The following MRTFA variants were observed in gnomAD, a reference collection of about 807,000 sequenced individuals.
MRTFA encodes the protein myocardin related transcription factor A.
MRTFA carries 20 observed loss-of-function variants against 83.5 expected under a neutral mutation model. That is an observed-to-expected ratio of 0.24 (90% CI 0.17 to 0.35). The LOEUF is 0.35. Among genes scored for constraint, MRTFA ranks in the 10% least tolerant of loss-of-function variants. The pLI is 1.00. For missense variants in MRTFA, 1,200 were observed against 1,224.7 expected, an observed-to-expected ratio of 0.98 and a Z score of 0.30; for synonymous variants, 659 against 541.2, an observed-to-expected ratio of 1.22 and a Z score of -3.02.
At chr22:40,470,094 G>A (rs1368026295) in intron 3 of MRTFA, among the ~76,000 whole-genome samples, 1 of 150,594 alleles carries the variant, frequency 6.6e-6, no homozygotes, top group Non-Finnish European at 1.5e-5. Context: ...CATGGCGGCG[G>A]GTGCCTATAA....
intron 3 of MRTFA, among the ~76,000 whole-genome samples, chr22:40,500,678 C>CA (rs1164410374): frequency 2.0e-5 from 3 of 151,098 alleles, no homozygotes; most frequent in Admixed American, 2.0e-4. Context: ...TGAGTGGACA[C>CA]AGCACATGTT....
At position 40,418,459 on chromosome 22, in the gene MRTFA, G is replaced by A. The variant is rs1602204920; in HGVS notation, c.2279C>T (p.Thr760Ile). Residue 760 changes from threonine to isoleucine, a missense_variant, in exon 12 of 15, where the codon ACC becomes ATC. Coordinates refer to ENST00000355630, the MANE Select transcript of MRTFA (RefSeq NM_020831.6). ...GACAAGGTGGGTCCCTGTGGAGTCG[G>A]TGATGAGGGTGGGAGGTGCAACCCC... The A allele has an allele frequency of 6.2e-7, 1 of 1,613,994 alleles. No individual in the cohort carries two copies. Among genetic ancestry groups the A allele is most frequent in the Non-Finnish European group, 8.5e-7 (1 of 1,179,910 alleles).
At chr22:40,456,978 C>T (rs1262113939) in intron 4 of MRTFA, among the ~76,000 whole-genome samples, 2 of 152,120 alleles carry the variant, frequency 1.3e-5, no homozygotes, top group Non-Finnish European at 2.9e-5. Flanking sequence ...TTCACATGTA[C>T]TCAGGAAAAA....
intron 3 of MRTFA, among the ~76,000 whole-genome samples, chr22:40,525,586 T>C (rs1671162645): frequency 6.6e-6 from 1 of 152,218 alleles, no homozygotes; most frequent in South Asian, 2.1e-4. Context: ...AATTACATTT[T>C]AGTATAAATA....
intron 3 of MRTFA, among the ~76,000 whole-genome samples, chr22:40,549,169 A>G (rs1460613213): frequency 1.3e-5 from 2 of 152,048 alleles, no homozygotes; most frequent in East Asian, 1.9e-4. Flanking sequence ...GGCTCAGGCA[A>G]TCCTCAAATG....
chr22:40,448,113 C>A (rs1029869533), intron 4 of MRTFA, among the ~76,000 whole-genome samples: 2 of 152,178 alleles, frequency 1.3e-5, no homozygotes, highest in Admixed American at 1.3e-4. Flanking sequence ...AGATCAAGAG[C>A]ATCCTGGCCA....
At chr22:40,476,766 C>G (rs2054004141) in intron 3 of MRTFA, among the ~76,000 whole-genome samples, 1 of 152,100 alleles carries the variant, frequency 6.6e-6, no homozygotes, top group Admixed American at 6.6e-5. Flanking sequence ...CTAAGTTTCT[C>G]TTGTCCTTTT....
In MRTFA at chr22:40,423,539, A is replaced by G. The variant is rs748799414; in HGVS notation, c.924T>C (p.Ile308=). 1.3e-6 allele frequency: 2 copies of G among 1,517,456 alleles called. No homozygotes were observed. The highest frequency in any genetic ancestry group is 4.0e-5 in the Admixed American group (2 of 49,998). The allele number at this position is 1,517,456 out of a possible 1,614,324, so 94.0% of individuals were successfully genotyped here. ...ACAATCACTGGCAGAAATGTACCTT[A>G]ATGAGTGTGGGGGTGGACTTGGCAG... Residue 308 remains isoleucine (I), a synonymous_variant, in exon 9 of 15, where the codon ATT becomes ATC. Transcript: ENST00000355630.
chr22:40,471,339 G>A (rs529459218), intron 3 of MRTFA, among the ~76,000 whole-genome samples: 38 of 151,794 alleles, frequency 2.5e-4, no homozygotes, highest in African/African-American at 8.7e-4. Context: ...GGAGGCAGAG[G>A]TTGCAGTGAG....
chr22:40,559,978 TACACAC>T (rs145921013), intron 2 of MRTFA, among the ~76,000 whole-genome samples: 6 of 151,812 alleles, frequency 4.0e-5, no homozygotes, highest in East Asian at 1.9e-4. Context: ...TCTATACACA[TACACAC>T]ACACACACTT....
chr22:40,578,429 C>T (rs953868839), intron 2 of MRTFA, among the ~76,000 whole-genome samples: 1 of 152,162 alleles, frequency 6.6e-6, no homozygotes, highest in Non-Finnish European at 1.5e-5. Context: ...GAACATTAAT[C>T]TATACTAAAC....
At chr22:40,420,354 T>G (rs1450589182) in intron 11 of MRTFA, 51 bp downstream of exon 11, 13 of 1,583,306 alleles carry the variant, frequency 8.2e-6, no homozygotes, top group Non-Finnish European at 1.0e-5. Context: ...AGACAGCCCC[T>G]GTGGGAAGGG....
chr22:40,418,241 C>T (rs2052729974), intron 12 of MRTFA, 133 bp downstream of exon 12: 4 of 1,467,758 alleles, frequency 2.7e-6, no homozygotes, highest in Non-Finnish European at 3.6e-6. Flanking sequence ...CAGTACCCCC[C>T]TGGTGAAGGA....
At chr22:40,601,039 T>C (rs1035303689) in intron 1 of MRTFA, among the ~76,000 whole-genome samples, 1 of 151,706 alleles carries the variant, frequency 6.6e-6, no homozygotes, top group African/African-American at 2.4e-5. Context: ...ATAAGAAGAG[T>C]TTCAAACTCT....
intron 11 of MRTFA, among the ~76,000 whole-genome samples, chr22:40,419,880 G>A (rs1569253204): frequency 6.6e-6 from 1 of 152,224 alleles, no homozygotes; most frequent in Non-Finnish European, 1.5e-5. Flanking sequence ...AGCCAAGTCT[G>A]TGGCCCTGAT....
intron 6 of MRTFA, 125 bp downstream of exon 6, chr22:40,431,280 C>T (rs1179182694): frequency 3.4e-6 from 3 of 876,618 alleles, no homozygotes; most frequent in Non-Finnish European, 5.6e-6. Flanking sequence ...GGTGTTAAGG[C>T]TCTGGCTTAC....
chr22:40,472,534 A>G (rs1050491486), intron 3 of MRTFA, among the ~76,000 whole-genome samples: 1 of 152,232 alleles, frequency 6.6e-6, no homozygotes, highest in Non-Finnish European at 1.5e-5. Context: ...ATCATTTTTA[A>G]TATTTTTTCA....
intron 7 of MRTFA, among the ~76,000 whole-genome samples, chr22:40,426,274 G>C (rs1169971674): frequency 1.3e-5 from 2 of 152,016 alleles, no homozygotes; most frequent in Non-Finnish European, 1.5e-5. Context: ...ACCTCAGCCA[G>C]GGTTCCATTT....
chr22:40,537,006 G>A (rs1306795752), intron 3 of MRTFA, among the ~76,000 whole-genome samples: 1 of 64,064 alleles, frequency 1.6e-5, no homozygotes, highest in Non-Finnish European at 3.1e-5. Context: ...CCGTCCGGGA[G>A]GGAGGTGGGG....
Sources: allele counts gnomAD v4.1 joint callset (sites outside exome capture counted in the v4.1 genomes callset), GRCh38; gene constraint gnomAD v4.1.1; transcripts MANE v1.5; gene names NCBI Gene and HGNC (gene_info 2026-07-23, HGNC 2026-07-21).